The following FTO variants were observed in gnomAD, a reference collection of about 807,000 sequenced individuals.
FTO encodes the protein alpha-ketoglutarate-dependent dioxygenase FTO.
A neutral mutation model predicts 63.9 loss-of-function variants in FTO; 47 were observed. The ratio of observed to expected loss-of-function variants is 0.74; its 90% CI spans 0.58 to 0.94. The LOEUF (loss-of-function observed/expected upper bound fraction) is 0.94. Among genes scored for constraint, FTO ranks in the 40% least tolerant of loss-of-function variants. FTO has a pLI of 0.00. For missense variants in FTO, 562 were observed against 618.1 expected, an observed-to-expected ratio of 0.91 and a Z score of 0.96; for synonymous variants, 207 against 224.4, an observed-to-expected ratio of 0.92 and a Z score of 0.69.
At chr16:53,988,785 A>G (rs1000952642) in intron 8 of FTO, among the ~76,000 whole-genome samples, 12 of 152,172 alleles carry the variant, frequency 7.9e-5, no homozygotes, top group African/African-American at 2.9e-4. Context: ...CAACCAAGAC[A>G]TAGGTTTGAA....
At chr16:53,777,095 A>C (rs1047617973) in intron 1 of FTO, among the ~76,000 whole-genome samples, 6 of 152,178 alleles carry the variant, frequency 3.9e-5, no homozygotes, top group Non-Finnish European at 5.9e-5. Flanking sequence ...CTACTATTTT[A>C]GCAAATTTGA....
chr16:53,949,393 TA>T (rs1171202711), intron 8 of FTO, among the ~76,000 whole-genome samples: 3 of 152,202 alleles, frequency 2.0e-5, no homozygotes, highest in Non-Finnish European at 2.9e-5. Context: ...GAGGAAAATG[TA>T]AAAATATTTT....
chr16:53,724,783 C>T (rs1033141903), intron 1 of FTO, among the ~76,000 whole-genome samples: 2 of 152,150 alleles, frequency 1.3e-5, no homozygotes, highest in Admixed American at 1.3e-4. Context: ...TCATGTAAAG[C>T]CACAGAGTCG....
intron 1 of FTO, among the ~76,000 whole-genome samples, chr16:53,718,789 G>C (rs1363922995): frequency 6.6e-6 from 1 of 152,016 alleles, no homozygotes; most frequent in African/African-American, 2.4e-5. Flanking sequence ...GGTTCCTTGG[G>C]ATAAAGCCTA....
intron 8 of FTO, among the ~76,000 whole-genome samples, chr16:53,961,950 A>G (rs2083091186): frequency 6.6e-6 from 1 of 152,136 alleles, no homozygotes; most frequent in African/African-American, 2.4e-5. Flanking sequence ...AGGTAGTACC[A>G]CTTCAATGAG....
chr16:54,094,240 C>T (rs1359083806), intron 8 of FTO, among the ~76,000 whole-genome samples: 3 of 152,166 alleles, frequency 2.0e-5, no homozygotes, highest in Non-Finnish European at 2.9e-5. Context: ...TTAATAAGTC[C>T]GCCCAGTTAA....
intron 1 of FTO, among the ~76,000 whole-genome samples, chr16:53,743,581 G>A (rs894913396): frequency 2.0e-5 from 3 of 147,756 alleles, no homozygotes; most frequent in African/African-American, 7.6e-5. Context: ...CATCTAGTAT[G>A]TTAGGTAATA....
chr16:53,884,584 G>A (rs755519526), intron 6 of FTO, among the ~76,000 whole-genome samples: 1 of 152,198 alleles, frequency 6.6e-6, no homozygotes, highest in African/African-American at 2.4e-5. Flanking sequence ...ACCAAATCAA[G>A]AGCCTAAATA....
At chr16:53,914,948 T>A (rs2081823294) in intron 7 of FTO, among the ~76,000 whole-genome samples, 2 of 152,200 alleles carry the variant, frequency 1.3e-5, no homozygotes, top group Admixed American at 1.3e-4. Context: ...CCTTTTGTTT[T>A]CATTAATGTA....
Position 54,112,189 on chromosome 16 carries a change from G to T in FTO, c.*274G>T. 1 of 454,026 alleles carries T rather than the reference G, an allele frequency of 2.2e-6. No homozygotes were observed. Among genetic ancestry groups the T allele is most frequent in the Non-Finnish European group, 4.1e-6 (1 of 246,302 alleles). 28.1% of individuals were successfully genotyped at this position (454,026 alleles called of 1,614,324 possible). A position where few individuals can be genotyped will look rare whatever the true frequency, so the allele number is the denominator to read the frequency against. On this transcript the variant is annotated 3_prime_UTR_variant, in exon 9 of 9. Coordinates refer to ENST00000471389, the MANE Select transcript of FTO (RefSeq NM_001080432.3). ...GAGCCATTCAGCCCCCAAGGTCCAG[G>T]GCAGGCGACAGGAACGAGCCCAGCG...
intron 1 of FTO, among the ~76,000 whole-genome samples, chr16:53,719,560 A>G (rs191880633): frequency 2.7e-5 from 4 of 148,766 alleles, no homozygotes; most frequent in Non-Finnish European, 5.9e-5. Flanking sequence ...CACTTTTTCC[A>G]TCTTCTTTTA....
chr16:54,099,880 GC>G, intron 8 of FTO, among the ~76,000 whole-genome samples: 1 of 152,158 alleles, frequency 6.6e-6, no homozygotes. Flanking sequence ...CTCTACAGCG[GC>G]CTGAGTCTGG....
intron 1 of FTO, chr16:53,711,326 G>A: frequency 2.5e-6 from 1 of 397,906 alleles, no homozygotes; most frequent in Admixed American, 4.4e-5. Flanking sequence ...TGAGAATATA[G>A]TCACTCAAAC....
At chr16:54,031,735 AAAAGCAAAGC>A (rs80051079) in intron 8 of FTO, among the ~76,000 whole-genome samples, 1 of 151,900 alleles carries the variant, frequency 6.6e-6, no homozygotes, top group Non-Finnish European at 1.5e-5. Flanking sequence ...GCAATTATAG[AAAAGCAAAGC>A]AAAGCAAAGC....
intron 2 of FTO, among the ~76,000 whole-genome samples, chr16:53,815,118 A>T (rs549677431): frequency 6.6e-6 from 1 of 152,130 alleles, no homozygotes; most frequent in Admixed American, 6.5e-5. Flanking sequence ...AGGCCCGGTT[A>T]TACGAGAACT....
intron 8 of FTO, among the ~76,000 whole-genome samples, chr16:54,025,741 G>A (rs950291182): frequency 1.3e-5 from 2 of 151,810 alleles, no homozygotes; most frequent in Non-Finnish European, 2.9e-5. Context: ...GGCTGGGCGC[G>A]GTGGCTCGCG....
intron 1 of FTO, among the ~76,000 whole-genome samples, chr16:53,745,821 A>G (rs1451090435): frequency 6.6e-6 from 1 of 152,188 alleles, no homozygotes. Flanking sequence ...GATAAGCCCT[A>G]TAATGTGATC....
At chr16:53,705,423 C>T (rs982098323) in intron 1 of FTO, among the ~76,000 whole-genome samples, 1 of 152,196 alleles carries the variant, frequency 6.6e-6, no homozygotes, top group Admixed American at 6.5e-5. Context: ...TCACTCTTCA[C>T]TATACTTTAT....
At chr16:53,965,211 C>T (rs1337527180) in intron 8 of FTO, among the ~76,000 whole-genome samples, 5 of 152,060 alleles carry the variant, frequency 3.3e-5, no homozygotes, top group African/African-American at 4.8e-5. Context: ...GTAGCTGGGA[C>T]TACAGGCATG....
Sources: gnomAD v4.1 joint callset for allele counts (sites outside exome capture counted in the v4.1 genomes callset) on GRCh38, gnomAD v4.1.1 for gene constraint, MANE v1.5 for transcripts, NCBI Gene and HGNC (gene_info 2026-07-23, HGNC 2026-07-21) for gene names.